CSMD1: variants seen among roughly 807,000 people sequenced by gnomAD.
CSMD1 encodes the protein CUB and sushi domain-containing protein 1.
CSMD1 carries 213 observed loss-of-function variants against 417.5 expected under a neutral mutation model. The observed-to-expected ratio is 0.51, with a 90% CI of 0.46 to 0.57. The LOEUF is 0.57. Among genes scored for constraint, CSMD1 ranks in the 20% least tolerant of loss-of-function variants. The probability of loss-of-function intolerance (pLI) is 0.00; values close to 1 mark genes in which losing one functional copy is unlikely to be tolerated. For missense variants in CSMD1, 6,923 were observed against 4,529.7 expected (o/e 1.53, Z -15.17); for synonymous variants, 2,862 against 1,736.8 (o/e 1.65, Z -16.11).
At chr8:3,509,328 T>G (rs2117386335) in intron 10 of CSMD1, among the ~76,000 whole-genome samples, 1 of 152,344 alleles carries the variant, frequency 6.6e-6, no homozygotes, top group African/African-American at 2.4e-5. Flanking sequence ...TAGTAAATCA[T>G]TTTACGTTCA....
At chr8:3,196,740 G>A (rs539338323) in intron 33 of CSMD1, among the ~76,000 whole-genome samples, 3 of 152,302 alleles carry the variant, frequency 2.0e-5, no homozygotes, top group African/African-American at 4.8e-5. Context: ...AAACTTGTTG[G>A]TAATGCAGGT....
At chr8:4,138,899 T>A (rs1430624330) in intron 3 of CSMD1, among the ~76,000 whole-genome samples, 1 of 152,312 alleles carries the variant, frequency 6.6e-6, no homozygotes, top group Non-Finnish European at 1.5e-5. Context: ...TTAATACAAA[T>A]AATTTAATCC....
At chr8:3,922,934 G>T (rs548305177) in intron 5 of CSMD1, among the ~76,000 whole-genome samples, 1 of 152,092 alleles carries the variant, frequency 6.6e-6, no homozygotes, top group East Asian at 1.9e-4. Flanking sequence ...AACAAATACC[G>T]AAACAGATTG....
chr8:3,629,197 C>CAAA (rs1166390171), intron 7 of CSMD1, among the ~76,000 whole-genome samples: 1 of 152,030 alleles, frequency 6.6e-6, no homozygotes, highest in African/African-American at 2.4e-5. Context: ...TAAAGGGGAA[C>CAAA]AGCTTCAACT....
At chr8:4,931,565 G>C (rs1023293331) in intron 1 of CSMD1, among the ~76,000 whole-genome samples, 1 of 134,554 alleles carries the variant, frequency 7.4e-6, no homozygotes, top group African/African-American at 2.5e-5. Flanking sequence ...GACTATAGCT[G>C]ATTTCAAGAA....
At chr8:4,539,558 C>T (rs751724114) in intron 2 of CSMD1, among the ~76,000 whole-genome samples, 8 of 152,160 alleles carry the variant, frequency 5.3e-5, no homozygotes, top group Non-Finnish European at 8.8e-5. Flanking sequence ...AAACTTCCAA[C>T]ATTTTTCTCA....
intron 18 of CSMD1, among the ~76,000 whole-genome samples, chr8:3,379,379 T>G (rs28845202): frequency 6.6e-6 from 1 of 152,120 alleles, no homozygotes; most frequent in South Asian, 2.1e-4. Flanking sequence ...ACTTTCTTCA[T>G]TGAATTAGAA....
Position 3,106,581 on chromosome 8 carries a change from G to A in CSMD1, c.6896C>T (p.Thr2299Ile). The stretch of plus-strand genomic sequence containing the variant: ...CTGCAACTGGGAACTGAGCTTGCAA[G>A]TCAGAATGTCGGTCCCCACCAAGGT... ...GYTLVGTDIL[T>I]CKLSSQLQFE... Residue 2299 changes from threonine to isoleucine, a missense_variant, in exon 46 of 70, where the codon ACT becomes ATT. Coordinates refer to ENST00000635120, the MANE Select transcript of CSMD1 (RefSeq NM_033225.6). 1.2e-6 allele frequency: 2 copies of A among 1,613,904 alleles called. No individual in the cohort carries two copies. Among genetic ancestry groups the A allele is most frequent in the South Asian group, 1.1e-5 (1 of 91,046 alleles).
chr8:4,125,047 T>A (rs928657951), intron 3 of CSMD1, among the ~76,000 whole-genome samples: 1 of 151,846 alleles, frequency 6.6e-6, no homozygotes, highest in African/African-American at 2.4e-5. Context: ...GTTTCTCTAA[T>A]TCAGCTGTAA....
intron 1 of CSMD1, among the ~76,000 whole-genome samples, chr8:4,976,838 G>A (rs1810589822): frequency 6.6e-6 from 1 of 152,060 alleles, no homozygotes; most frequent in Admixed American, 6.6e-5. Context: ...TTAAGTAAGT[G>A]CCACTTTGGG....
In CSMD1 at chr8:3,173,017, C is replaced by T. The variant is rs1820679563; in HGVS notation, c.5725+8093G>A. Among the ~76,000 whole-genome samples, 3 of 152,268 alleles carry T rather than the reference C, an allele frequency of 2.0e-5. No individual in the cohort carries two copies. The South Asian group carries it at 6.2e-4, about 32-fold the overall frequency. ...AAGAAGTGATTGTAGGATAAGTCCA[C>T]CCCTACCCCTGCCTTGTCAAATACA... On this transcript the variant is annotated intron_variant, in intron 37 of 69. Coordinates refer to ENST00000635120, the MANE Select transcript of CSMD1 (RefSeq NM_033225.6).
At chr8:4,057,371 G>C (rs1292516010) in intron 3 of CSMD1, among the ~76,000 whole-genome samples, 5 of 150,122 alleles carry the variant, frequency 3.3e-5, no homozygotes, top group Non-Finnish European at 5.9e-5. Flanking sequence ...CCTACTTTTT[G>C]ATGGGGTTAT....
chr8:4,440,594 T>C (rs1012016157), intron 2 of CSMD1, among the ~76,000 whole-genome samples: 2 of 152,198 alleles, frequency 1.3e-5, no homozygotes, highest in African/African-American at 2.4e-5. Context: ...AACTTTAGCA[T>C]TTTCTCTGGA....
chr8:4,594,675 G>A (rs138311608), intron 2 of CSMD1, among the ~76,000 whole-genome samples: 2 of 152,190 alleles, frequency 1.3e-5, no homozygotes, highest in African/African-American at 4.8e-5. Context: ...TGCTGCCCAT[G>A]TGTTGCCTTT....
intron 1 of CSMD1, among the ~76,000 whole-genome samples, chr8:4,954,553 T>C (rs1342954997): frequency 6.6e-6 from 1 of 152,184 alleles, no homozygotes; most frequent in African/African-American, 2.4e-5. Flanking sequence ...AAAAAATATG[T>C]TTAAATGATA....
chr8:3,704,214 A>G (rs559724624), intron 7 of CSMD1, among the ~76,000 whole-genome samples: 21 of 152,304 alleles, frequency 1.4e-4, no homozygotes, highest in African/African-American at 4.1e-4. Flanking sequence ...AATCACAGCT[A>G]CAGGCAAAAA....
intron 15 of CSMD1, among the ~76,000 whole-genome samples, chr8:3,400,586 G>T (rs531480788): frequency 6.6e-6 from 1 of 152,000 alleles, no homozygotes; most frequent in South Asian, 2.1e-4. Context: ...ACCATATATT[G>T]GAATGTGGCA....
At chr8:3,427,393 T>C (rs1813918535) in intron 12 of CSMD1, among the ~76,000 whole-genome samples, 1 of 152,196 alleles carries the variant, frequency 6.6e-6, no homozygotes, top group African/African-American at 2.4e-5. Flanking sequence ...CTGTCTCCTA[T>C]TTAATAATAA....
At position 4,831,621 on chromosome 8, in the gene CSMD1, CTT is replaced by C. The variant is rs200341127; in HGVS notation, c.85+162709_85+162710del. 1.2e-3 allele frequency among the ~76,000 whole-genome samples: 180 copies of C among 152,192 alleles called. 2 individuals carry two copies. The East Asian group carries it at 0.032, about 27-fold the overall frequency. On this transcript the variant is annotated intron_variant, in intron 1 of 69. Coordinates refer to ENST00000635120, the MANE Select transcript of CSMD1 (RefSeq NM_033225.6). ...GACTCCACAGCCACCTGGTGACACT[CTT>C]TCTTTCGCTTTGGAAAGGTCATGGA...
Sources: gnomAD v4.1 joint callset for allele counts (sites outside exome capture counted in the v4.1 genomes callset) on GRCh38, gnomAD v4.1.1 for gene constraint, MANE v1.5 for transcripts, NCBI Gene and HGNC (gene_info 2026-07-23, HGNC 2026-07-21) for gene names.